PELI1: variants seen among roughly 807,000 people sequenced by gnomAD.
PELI1 encodes the protein pellino E3 ubiquitin protein ligase 1, also known as E3 ubiquitin-protein ligase pellino homolog 1.
In PELI1, 15 loss-of-function variants were observed where a neutral mutation model predicts 41.3. The ratio of observed to expected loss-of-function variants is 0.36; its 90% confidence interval spans 0.24 to 0.56. PELI1 has a LOEUF of 0.56. Ranked by LOEUF, PELI1 falls within the 20% of genes least tolerant of loss-of-function variation. The probability of loss-of-function intolerance (pLI) is 0.82; values close to 1 mark genes in which losing one functional copy is unlikely to be tolerated. For missense variants in PELI1, 403 were observed against 525.5 expected (o/e 0.77, Z 2.28); for synonymous variants, 178 against 180.1 (o/e 0.99, Z 0.09).
chr2:64,107,423 A>T (rs1430681548), intron 2 of PELI1, among the ~76,000 whole-genome samples: 1 of 152,216 alleles, frequency 6.6e-6, no homozygotes, highest in Non-Finnish European at 1.5e-5. Flanking sequence ...AGGAGCTAAG[A>T]AGTAGCTAGG....
At chr2:64,121,830 G>A (rs191615758) in intron 1 of PELI1, among the ~76,000 whole-genome samples, 7,682 of 151,790 alleles carry the variant, frequency 0.051, 253 homozygotes, top group Non-Finnish European at 0.077. Context: ...GCTTGAACCC[G>A]GGAGGCGGAG....
chr2:64,100,382 T>A lies in PELI1; in HGVS notation c.303+16A>T. On this transcript the variant is annotated intron_variant, in intron 4 of 6. Coordinates refer to ENST00000358912, the MANE Select transcript of PELI1 (RefSeq NM_020651.4). ...TTTTCGTTTCTTAAGAAAAAAAATTTAAGATGTTGTAATACCTGAAACATA... is the reference window on the plus strand; with the variant it reads ...TTTTCGTTTCTTAAGAAAAAAAATTAAAGATGTTGTAATACCTGAAACATA... The A allele has an allele frequency of 7.6e-7, 1 of 1,318,824 alleles. No individual in the cohort carries two copies. Among genetic ancestry groups the A allele is most frequent in the Non-Finnish European group, 1.1e-6 (1 of 919,948 alleles). The allele number at this position is 1,318,824 out of a possible 1,614,324, so 81.7% of individuals were successfully genotyped here.
intron 1 of PELI1, among the ~76,000 whole-genome samples, chr2:64,142,908 A>T (rs890509020): frequency 2.0e-5 from 3 of 152,214 alleles, no homozygotes; most frequent in Admixed American, 6.5e-5. Flanking sequence ...AGTAAGAAAA[A>T]GTAAAGAGCC....
chr2:64,110,189 GAGCCAA>G (rs1680759818), intron 1 of PELI1, among the ~76,000 whole-genome samples: 1 of 144,918 alleles, frequency 6.9e-6, no homozygotes, highest in Non-Finnish European at 1.5e-5. Flanking sequence ...AGCTTGCAGT[GAGCCAA>G]AATTGCGCCA....
intron 3 of PELI1, among the ~76,000 whole-genome samples, chr2:64,101,616 C>T (rs901102501): frequency 6.6e-6 from 1 of 152,124 alleles, no homozygotes; most frequent in African/African-American, 2.4e-5. Context: ...AAAAATCCTT[C>T]TTAATTAGAA....
intron 1 of PELI1, 101 bp from the exon 2 acceptor site, chr2:64,108,480 C>A (rs1680695425): frequency 1.7e-6 from 1 of 575,026 alleles, no homozygotes; most frequent in Admixed American, 3.1e-5. Flanking sequence ...ATTATGCAAA[C>A]CATCACAAGG....
At chr2:64,107,768 C>G (rs146195702) in intron 2 of PELI1, among the ~76,000 whole-genome samples, 2,887 of 152,056 alleles carry the variant, frequency 0.019, 82 homozygotes, top group African/African-American at 0.065. Context: ...ACCTCTGCCT[C>G]CAGGGTTCAA....
chr2:64,120,819 T>G (rs1284301310), intron 1 of PELI1, among the ~76,000 whole-genome samples: 1 of 152,216 alleles, frequency 6.6e-6, no homozygotes, highest in East Asian at 1.9e-4. Context: ...ATACTTTTGG[T>G]GGTGCTAAGT....
chr2:64,101,070 G>A (rs1003986053), intron 3 of PELI1, among the ~76,000 whole-genome samples: 1 of 152,112 alleles, frequency 6.6e-6, no homozygotes, highest in Admixed American at 6.6e-5. Flanking sequence ...CCCTTATTAA[G>A]TATTTTAAAT....
rs1444445776 is a variant in PELI1 at position 64,133,982 on chromosome 2, TAG to T, written c.-70+10097_-70+10098del. On this transcript the variant is annotated intron_variant, in intron 1 of 6. Transcript: ENST00000358912. Reference sequence around the variant, plus strand: ...TGCTTTCTGACATTCTTACTTCATGTAGAGTTTTTCCATATGACAATTCTTCT... The same window carrying T: ...TGCTTTCTGACATTCTTACTTCATGTAGTTTTTCCATATGACAATTCTTCT... Among the ~76,000 whole-genome samples, 6 of 152,108 alleles carry T rather than the reference TAG, an allele frequency of 3.9e-5. No homozygotes were observed. The South Asian group carries it at 6.2e-4, about 16-fold the overall frequency.
In PELI1 at chr2:64,140,809, A is replaced by AAC. The variant is rs1681883875; in HGVS notation, c.-70+3271_-70+3272insGT. On this transcript the variant is annotated intron_variant, in intron 1 of 6. Coordinates refer to ENST00000358912, the MANE Select transcript of PELI1 (RefSeq NM_020651.4). ...ATGCAAAAAAAAAAAACAAACAAAC[A>AAC]AAAAAAAACCTAGGGGCAGAACTTG... 3.0e-5 allele frequency among the ~76,000 whole-genome samples: 4 copies of AAC among 133,984 alleles called. 2 individuals carry two copies. The highest frequency in any genetic ancestry group is 1.1e-4 in the African/African-American group (4 of 34,784). 87.9% of individuals were successfully genotyped at this position (133,984 alleles called of 152,430 possible).
At chr2:64,097,453 C>G (rs966840445) in intron 4 of PELI1, among the ~76,000 whole-genome samples, 1 of 152,216 alleles carries the variant, frequency 6.6e-6, no homozygotes, top group East Asian at 1.9e-4. Context: ...TTCAGAGAGA[C>G]AAGGTTCCCA....
chr2:64,118,997 C>T (rs1047583605), intron 1 of PELI1, among the ~76,000 whole-genome samples: 2 of 97,776 alleles, frequency 2.0e-5, no homozygotes, highest in African/African-American at 9.5e-5. Flanking sequence ...TTTTTAAAGC[C>T]CTAAGTACTG....
chr2:64,113,657 A>G (rs1445127351), intron 1 of PELI1, among the ~76,000 whole-genome samples: 3 of 152,206 alleles, frequency 2.0e-5, no homozygotes, highest in African/African-American at 4.8e-5. Flanking sequence ...ATTCTGGAAT[A>G]GTGTTATTTT....
intron 5 of PELI1, 40 bp from the exon 6 acceptor site, chr2:64,096,353 T>C (rs766390367): frequency 1.2e-6 from 2 of 1,601,246 alleles, no homozygotes; most frequent in Non-Finnish European, 1.7e-6. Flanking sequence ...ACTTGTAACT[T>C]GTAACTTGGA....
chr2:64,120,882 C>CA (rs575219753), intron 1 of PELI1, among the ~76,000 whole-genome samples: 320 of 152,308 alleles, frequency 2.1e-3, no homozygotes, highest in African/African-American at 7.3e-3. Flanking sequence ...TTCTGGTTCA[C>CA]AGTAAGGCTA....
chr2:64,108,635 TAACTA>T (rs1680700724), intron 1 of PELI1, among the ~76,000 whole-genome samples: 1 of 152,186 alleles, frequency 6.6e-6, no homozygotes, highest in Admixed American at 6.5e-5. Context: ...CTGCTAAGTA[TAACTA>T]AAGACCCTGG....
chr2:64,096,354 G>C (rs1201809645), intron 5 of PELI1, 41 bp from the exon 6 acceptor site: 1 of 1,595,854 alleles, frequency 6.3e-7, no homozygotes, highest in Admixed American at 1.7e-5. Context: ...CTTGTAACTT[G>C]TAACTTGGAA....
intron 1 of PELI1, among the ~76,000 whole-genome samples, chr2:64,134,371 G>A (rs745411688): frequency 6.6e-6 from 1 of 152,072 alleles, no homozygotes; most frequent in Non-Finnish European, 1.5e-5. Flanking sequence ...CAAAGTTTAA[G>A]AGCCCCTCCT....
Sources: allele counts gnomAD v4.1 joint callset (sites outside exome capture counted in the v4.1 genomes callset), GRCh38; gene constraint gnomAD v4.1.1; transcripts MANE v1.5; gene names NCBI Gene and HGNC (gene_info 2026-07-23, HGNC 2026-07-21).